CTNNA2: variants seen among roughly 807,000 people sequenced by gnomAD.
CTNNA2 encodes the protein catenin alpha 2, also known as catenin alpha-2.
CTNNA2 carries 42 observed loss-of-function variants against 101.0 expected under a neutral mutation model. The ratio of observed to expected loss-of-function variants is 0.42; its 90% CI spans 0.32 to 0.54. CTNNA2 has a LOEUF of 0.54. Ranked by LOEUF, CTNNA2 falls within the 20% of genes least tolerant of loss-of-function variation. CTNNA2 has a pLI of 0.14. For missense variants in CTNNA2, 871 were observed against 1,223.1 expected (o/e 0.71, Z 4.29); for synonymous variants, 450 against 456.4 (o/e 0.99, Z 0.18).
chr2:79,736,278 C>T lies in CTNNA2; in HGVS notation c.103-8109C>T, dbSNP rs996620720. On this transcript the variant is annotated intron_variant, in intron 2 of 18. Coordinates refer to ENST00000402739, the MANE Select transcript of CTNNA2 (RefSeq NM_001282597.3). ...CTAATAGAGTATACCAGAAGGTAAG[C>T]GTATATCTTTTTATATATTTTATGA... is the stretch of plus-strand genomic sequence containing the variant. Among the ~76,000 whole-genome samples, 5 of 152,148 alleles carry T rather than the reference C, an allele frequency of 3.3e-5. No individual in the cohort carries two copies. In the South Asian group the frequency reaches 6.2e-4, roughly 19 times the overall value.
chr2:79,829,441 G>T (rs1411681717), intron 3 of CTNNA2, among the ~76,000 whole-genome samples: 2 of 149,920 alleles, frequency 1.3e-5, no homozygotes, highest in Non-Finnish European at 3.0e-5. Flanking sequence ...GAGATGGCGG[G>T]CGCCTGTAGT....
chr2:80,306,400 T>TTTTCTTTTCCTTTCTTTCTTTCTTTC (rs1491389570), intron 7 of CTNNA2, among the ~76,000 whole-genome samples: 7 of 109,200 alleles, frequency 6.4e-5, no homozygotes, highest in East Asian at 5.4e-4. Context: ...TTTTCTTTTC[T>TTTTCTTTTCCTTTCTTTCTTTCTTTC]TTTCTTTCTT....
intron 7 of CTNNA2, among the ~76,000 whole-genome samples, chr2:80,104,554 C>A (rs1700762106): frequency 6.6e-6 from 1 of 152,184 alleles, no homozygotes. Context: ...ACTAGTCATT[C>A]ATGAGGAATA....
chr2:79,653,891 G>C (rs1015838694), intron 2 of CTNNA2, among the ~76,000 whole-genome samples: 20 of 152,122 alleles, frequency 1.3e-4, no homozygotes, highest in African/African-American at 4.8e-4. Context: ...CCGTCCAGCT[G>C]AGCTTTCTGC....
chr2:79,530,459 A>G (rs569735776), intron 1 of CTNNA2, among the ~76,000 whole-genome samples: 1 of 152,134 alleles, frequency 6.6e-6, no homozygotes, highest in Non-Finnish European at 1.5e-5. Context: ...TGAATAGTGA[A>G]GAGTGGAGAA....
At chr2:79,552,467 C>G (rs1350926677) in intron 1 of CTNNA2, among the ~76,000 whole-genome samples, 4 of 152,130 alleles carry the variant, frequency 2.6e-5, no homozygotes, top group Non-Finnish European at 5.9e-5. Context: ...CATGGTGGCC[C>G]TCTTCTCACA....
In CTNNA2 at chr2:80,309,768, C is replaced by G. The variant is rs777284969; in HGVS notation, c.1057-83443C>G. Reference sequence around the variant, plus strand: ...GGAGTGCAGTGGCATGATCTCGGGTCACTGCAACCTCCTTCTCCCGGGTTC... The same window carrying G: ...GGAGTGCAGTGGCATGATCTCGGGTGACTGCAACCTCCTTCTCCCGGGTTC... On this transcript the variant is annotated intron_variant, in intron 7 of 18. Coordinates refer to ENST00000402739, the MANE Select transcript of CTNNA2 (RefSeq NM_001282597.3). 1.5e-4 allele frequency among the ~76,000 whole-genome samples: 22 copies of G among 151,216 alleles called. 1 individual carries two copies. Among genetic ancestry groups the G allele is most frequent in the South Asian group, 4.2e-4 (2 of 4,792 alleles).
At chr2:79,261,728 C>A (rs1674924720) in intron 2 of CTNNA2, among the ~76,000 whole-genome samples, 1 of 152,310 alleles carries the variant, frequency 6.6e-6, no homozygotes, top group South Asian at 2.1e-4. Context: ...ATCTTAATTA[C>A]CTCCTTAAAA....
intron 4 of CTNNA2, among the ~76,000 whole-genome samples, chr2:79,397,412 G>A (rs1370351702): frequency 6.6e-6 from 1 of 151,944 alleles, no homozygotes; most frequent in Non-Finnish European, 1.5e-5. Context: ...GAGAAAATCA[G>A]TATTCTTTGA....
rs1678308345 is a variant in CTNNA2, at chr2:79,403,248, T to C, written c.-135+29235T>C. Among the ~76,000 whole-genome samples the C allele has an allele frequency of 2.0e-5, 3 of 152,026 alleles. No homozygotes were observed. The South Asian group carries it at 6.2e-4, about 32-fold the overall frequency. ...TCATTACTTTAAAATTTAGAGTTTA[T>C]ATTAAACAAATTACAACTCTAAACA... is the stretch of plus-strand genomic sequence containing the variant. On this transcript the variant is annotated intron_variant, in intron 4 of 21. Coordinates refer to the CTNNA2 transcript ENST00000466387.
At chr2:79,578,865 G>C (rs1239584091) in intron 1 of CTNNA2, among the ~76,000 whole-genome samples, 1 of 151,744 alleles carries the variant, frequency 6.6e-6, no homozygotes, top group Non-Finnish European at 1.5e-5. Flanking sequence ...TGTCTTAAAT[G>C]TGGGGCCTCT....
intron 7 of CTNNA2, among the ~76,000 whole-genome samples, chr2:80,071,666 G>C (rs1218064356): frequency 1.3e-5 from 2 of 152,228 alleles, no homozygotes; most frequent in African/African-American, 4.8e-5. Context: ...CTGATTCCCA[G>C]CTTGCACTTA....
chr2:79,306,919 T>C (rs1676261295), intron 2 of CTNNA2, among the ~76,000 whole-genome samples: 1 of 152,194 alleles, frequency 6.6e-6, no homozygotes, highest in African/African-American at 2.4e-5. Context: ...TTTTGCCTTT[T>C]GTGGAATCCC....
At chr2:79,992,752 G>T (rs1204847570) in intron 7 of CTNNA2, among the ~76,000 whole-genome samples, 1 of 152,110 alleles carries the variant, frequency 6.6e-6, no homozygotes, top group African/African-American at 2.4e-5. Flanking sequence ...CTAAGATTAT[G>T]GTTTGCTTTT....
At chr2:80,542,253 GTATA>G (rs35573049) in intron 9 of CTNNA2, among the ~76,000 whole-genome samples, 6 of 151,196 alleles carry the variant, frequency 4.0e-5, no homozygotes, top group Non-Finnish European at 5.9e-5. Context: ...ATATTTATGT[GTATA>G]TATATATTAT....
chr2:79,972,211 C>T (rs1690534593), intron 7 of CTNNA2, among the ~76,000 whole-genome samples: 2 of 152,120 alleles, frequency 1.3e-5, no homozygotes, highest in Admixed American at 6.5e-5. Flanking sequence ...GTTTTATTAT[C>T]AGCAAAAAAT....
In CTNNA2 at chr2:80,506,268, G is replaced by A. The variant is rs534422284; in HGVS notation, c.1291-38714G>A. On this transcript the variant is annotated intron_variant, in intron 9 of 18. Transcript: ENST00000402739. Reference sequence around the variant, plus strand: ...GGCTTCCTGGAGGAGGCAGCACTTGGGCTGACTCGTTAAACGATTGGTAGA... The same window carrying A: ...GGCTTCCTGGAGGAGGCAGCACTTGAGCTGACTCGTTAAACGATTGGTAGA... Among the ~76,000 whole-genome samples, 3 of 152,250 alleles carry A rather than the reference G, an allele frequency of 2.0e-5. No individual in the cohort carries two copies. The South Asian group carries it at 6.2e-4, about 32-fold the overall frequency.
At chr2:80,344,208 C>T (rs1283759803) in intron 7 of CTNNA2, among the ~76,000 whole-genome samples, 10 of 152,072 alleles carry the variant, frequency 6.6e-5, no homozygotes. Flanking sequence ...TTTTCTCCTC[C>T]TTCATGGATT....
intron 7 of CTNNA2, among the ~76,000 whole-genome samples, chr2:79,993,820 G>A (rs1294033535): frequency 6.6e-6 from 1 of 152,198 alleles, no homozygotes; most frequent in Non-Finnish European, 1.5e-5. Flanking sequence ...GACTCTGCCA[G>A]TGCCAAGCTT....
Sources: gnomAD v4.1 joint callset for allele counts (sites outside exome capture counted in the v4.1 genomes callset) on GRCh38, gnomAD v4.1.1 for gene constraint, MANE v1.5 for transcripts, NCBI Gene and HGNC (gene_info 2026-07-23, HGNC 2026-07-21) for gene names.